Variants in ZNF407 observed in about 807,000 individuals in gnomAD.
The protein encoded by ZNF407 is zinc finger protein 407.
ZNF407 carries 17 observed loss-of-function variants against 131.2 expected under a neutral mutation model. The ratio of observed to expected loss-of-function variants is 0.13; its 90% CI spans 0.09 to 0.19. The LOEUF is 0.19. Among genes scored for constraint, ZNF407 ranks in the 10% least tolerant of loss-of-function variants. The pLI, the probability that ZNF407 is intolerant of heterozygous loss-of-function variation, is 1.00. For missense variants in ZNF407, 2,681 were observed against 2,830.6 expected (o/e 0.95, Z 1.20); for synonymous variants, 1,156 against 1,062.0 (o/e 1.09, Z -1.72).
rs1026799974 is a variant in ZNF407 at position 74,703,521 on chromosome 18, C to T, written c.4802+62399C>T. Among the ~76,000 whole-genome samples, 10 of 152,140 alleles carry T rather than the reference C, an allele frequency of 6.6e-5. No homozygotes were observed. The East Asian group carries it at 1.9e-3, about 29-fold the overall frequency. On this transcript the variant is annotated intron_variant, in intron 3 of 8. Coordinates refer to ENST00000299687, the MANE Select transcript of ZNF407 (RefSeq NM_017757.3). The surrounding 1 kb of genome is among the most constrained non-coding windows in gnomAD (Gnocchi z 4.1). ...AGCTGGGATTACAGGTATACACCACCACACCCAGCTAATTTTGTATTTTTA... is the reference window on the plus strand; with the variant it reads ...AGCTGGGATTACAGGTATACACCACTACACCCAGCTAATTTTGTATTTTTA...
rs1010958059 is a variant in ZNF407, at chr18:75,048,692, A to G, written c.5429-14458A>G. On this transcript the variant is annotated intron_variant, in intron 8 of 8. Coordinates refer to ENST00000299687, the MANE Select transcript of ZNF407 (RefSeq NM_017757.3). This position sits in a 1 kb window ranked among gnomAD's most constrained non-coding sequence, Gnocchi z 4.1. ...TAAAAAAATCAACTAGATTATTTTC[A>G]TCAACTTTATAACTATGTTTAAAAT... Among the ~76,000 whole-genome samples the G allele has an allele frequency of 2.0e-4, 31 of 152,360 alleles. No individual in the cohort carries two copies. Among genetic ancestry groups the G allele is most frequent in the Non-Finnish European group, 8.8e-5 (6 of 68,036 alleles).
chr18:74,908,132 A>T (rs1274267146), intron 7 of ZNF407, among the ~76,000 whole-genome samples: 1 of 152,162 alleles, frequency 6.6e-6, no homozygotes, highest in East Asian at 1.9e-4. Context: ...TATATGTTGC[A>T]TAGTTTTACT....
chr18:74,886,257 A>G (rs1344232100), intron 6 of ZNF407, among the ~76,000 whole-genome samples: 1 of 152,192 alleles, frequency 6.6e-6, no homozygotes, highest in Non-Finnish European at 1.5e-5. Flanking sequence ...AGCGTTGACT[A>G]CAACAGGTGT....
At chr18:74,649,935 A>G (rs745400393) in intron 3 of ZNF407, among the ~76,000 whole-genome samples, 1 of 152,214 alleles carries the variant, frequency 6.6e-6, no homozygotes, top group East Asian at 1.9e-4. Flanking sequence ...TGGTGAATCT[A>G]TTATAATTCC....
At chr18:74,648,959 T>C (rs520719) in intron 3 of ZNF407, among the ~76,000 whole-genome samples, 14,953 of 152,140 alleles carry the variant, frequency 0.098, 1,097 homozygotes, top group African/African-American at 0.21. Flanking sequence ...TCTGGAGTGT[T>C]CTCCCTCCGC....
chr18:75,016,950 C>G (rs1263007330), intron 8 of ZNF407, among the ~76,000 whole-genome samples: 1 of 152,126 alleles, frequency 6.6e-6, no homozygotes, highest in Admixed American at 6.6e-5. Context: ...CATTAGCTCA[C>G]CATATTCCAG....
chr18:75,020,395 A>G (rs930627145), intron 8 of ZNF407, among the ~76,000 whole-genome samples: 1 of 151,972 alleles, frequency 6.6e-6, no homozygotes, highest in African/African-American at 2.4e-5. Context: ...ACTTAGGCTC[A>G]CGGAAGGTGT....
chr18:74,827,473 AT>A lies in ZNF407; in HGVS notation c.4877+45981del, dbSNP rs375688173. Among the ~76,000 whole-genome samples, 691 of 143,298 alleles carry A rather than the reference AT, an allele frequency of 4.8e-3. 8 individuals carry two copies. The highest frequency in any genetic ancestry group is 0.017 in the African/African-American group (649 of 39,216). 94.0% of individuals were successfully genotyped at this position (143,298 alleles called of 152,430 possible). A position where few individuals can be genotyped will look rare whatever the true frequency, so the allele number is the denominator to read the frequency against. On this transcript the variant is annotated intron_variant, in intron 4 of 8. Coordinates refer to ENST00000299687, the MANE Select transcript of ZNF407 (RefSeq NM_017757.3). ...CATTGAGTTATACTCCATTGTTTTC[AT>A]TTTTTTTTTCTGATGCTCTATCATC...
rs770405244 is a variant in ZNF407, at chr18:75,064,136, G to A, written c.6415G>A (p.Asp2139Asn). The A allele has an allele frequency of 1.2e-5, 20 of 1,601,490 alleles. No homozygotes were observed. The highest frequency in any genetic ancestry group is 5.6e-5 in the South Asian group (5 of 88,744). ...CGAGCACATGGATCTGGTGGAGTCC[G>A]ACGGGGAGATCTCGCAGATCATCGT... ...QGEHMDLVESDGEISQIIVTE... is the reference protein window; with the variant it reads ...QGEHMDLVESNGEISQIIVTE... Residue 2139 changes from aspartate (D) to asparagine (N), a missense_variant, in exon 9 of 9, where the codon GAC (aspartate) becomes AAC (asparagine). By Grantham distance (23) the Asp-to-Asn change is conservative. Transcript: ENST00000299687.
intron 4 of ZNF407, among the ~76,000 whole-genome samples, chr18:74,835,849 T>C (rs1368612444): frequency 2.0e-5 from 3 of 152,078 alleles, no homozygotes; most frequent in Non-Finnish European, 4.4e-5. Context: ...GAAGCTGACA[T>C]TCTAGGAGAC....
intron 3 of ZNF407, among the ~76,000 whole-genome samples, chr18:74,653,933 T>G (rs1401884484): frequency 6.6e-6 from 1 of 151,828 alleles, no homozygotes; most frequent in African/African-American, 2.4e-5. Context: ...ATTGGACTCC[T>G]TTTTTTGAGT....
chr18:74,783,910 A>G (rs1969656666), intron 4 of ZNF407, among the ~76,000 whole-genome samples: 1 of 152,160 alleles, frequency 6.6e-6, no homozygotes, highest in Non-Finnish European at 1.5e-5. Flanking sequence ...CTCTCCTGTT[A>G]CAGAGAAATA....
intron 4 of ZNF407, among the ~76,000 whole-genome samples, chr18:74,865,558 T>TTA (rs1404697487): frequency 5.9e-5 from 9 of 152,210 alleles, no homozygotes; most frequent in Non-Finnish European, 1.3e-4. Flanking sequence ...GAAACTTAGT[T>TTA]TAATATTTTG....
intron 3 of ZNF407, among the ~76,000 whole-genome samples, chr18:74,685,792 G>A (rs1189482346): frequency 6.6e-6 from 1 of 152,176 alleles, no homozygotes. Flanking sequence ...CGCCTTCGAA[G>A]TGCCACCTGG....
chr18:74,974,170 TCGAATCCTGTGTATCCTTCGAAGTAGA>T (rs1298878894), intron 8 of ZNF407, among the ~76,000 whole-genome samples: 13 of 152,202 alleles, frequency 8.5e-5, no homozygotes, highest in Admixed American at 8.5e-4. Flanking sequence ...GTCTCCCACC[TCGAATCCTGTGTATCCTTCGAAGTAGA>T]CGATTTTTCT....
chr18:74,990,096 A>G (rs1972701099), intron 8 of ZNF407, among the ~76,000 whole-genome samples: 1 of 152,230 alleles, frequency 6.6e-6, no homozygotes, highest in South Asian at 2.1e-4. Context: ...GGAGATTTCT[A>G]TGACACATTA....
chr18:74,699,087 T>C (rs1201439256), intron 3 of ZNF407, among the ~76,000 whole-genome samples: 1 of 152,132 alleles, frequency 6.6e-6, no homozygotes, highest in East Asian at 1.9e-4. Flanking sequence ...CTTTCCCAGG[T>C]TTTTTCTGAT....
chr18:74,881,392 C>G (rs1971236020), intron 6 of ZNF407, among the ~76,000 whole-genome samples: 1 of 152,156 alleles, frequency 6.6e-6, no homozygotes, highest in Non-Finnish European at 1.5e-5. Flanking sequence ...GCTTCCAAAG[C>G]CCAGATACAG....
chr18:74,723,484 A>T (rs978537459), intron 3 of ZNF407, among the ~76,000 whole-genome samples: 9 of 152,332 alleles, frequency 5.9e-5, no homozygotes, highest in African/African-American at 1.7e-4. Context: ...AGCAACTGTC[A>T]TGTCTGTAGA....
Sources: allele counts gnomAD v4.1 joint callset (sites outside exome capture counted in the v4.1 genomes callset), GRCh38; gene constraint gnomAD v4.1.1; non-coding constraint Gnocchi (gnomAD v3.1); transcripts MANE v1.5; gene names NCBI Gene and HGNC (gene_info 2026-07-23, HGNC 2026-07-21).